Variants in CARD8 observed in about 807,000 individuals in gnomAD.
CARD8 encodes the protein caspase recruitment domain-containing protein 8.
Under a neutral mutation model 53.2 loss-of-function variants are expected in CARD8, and 38 were observed. That is an observed-to-expected ratio of 0.71 (90% CI 0.55 to 0.94). The LOEUF is 0.94. CARD8 is among the 40% of genes least tolerant of loss of function. The pLI, the probability that CARD8 is intolerant of heterozygous loss-of-function variation, is 0.00. For missense variants in CARD8, 561 were observed against 655.5 expected (o/e 0.86, Z 1.57); for synonymous variants, 245 against 244.9 (o/e 1.00, Z 0.00).
At chr19:48,250,591 G>A (rs1035511781) in intron 1 of CARD8, among the ~76,000 whole-genome samples, 2 of 152,162 alleles carry the variant, frequency 1.3e-5, no homozygotes, top group Non-Finnish European at 2.9e-5. Flanking sequence ...CAATCATTCT[G>A]TAATTAAGAT....
chr19:48,241,888 A>G (rs1038166690), intron 3 of CARD8, among the ~76,000 whole-genome samples: 2 of 152,096 alleles, frequency 1.3e-5, no homozygotes, highest in African/African-American at 4.8e-5. Flanking sequence ...CTACAATTCA[A>G]TGTTGTATAT....
chr19:48,213,872 A>G (rs928883839), intron 13 of CARD8, among the ~76,000 whole-genome samples: 19 of 152,126 alleles, frequency 1.2e-4, no homozygotes, highest in Non-Finnish European at 2.5e-4. Context: ...ATCCTTTAAT[A>G]GTTACTCTTG....
At chr19:48,213,587 T>A (rs2038510083) in intron 13 of CARD8, among the ~76,000 whole-genome samples, 1 of 152,176 alleles carries the variant, frequency 6.6e-6, no homozygotes, top group Non-Finnish European at 1.5e-5. Context: ...TTGGCCAGGC[T>A]GGTCTCAAAC....
At chr19:48,234,774 C>G (rs984834146) in intron 5 of CARD8, among the ~76,000 whole-genome samples, 3 of 152,192 alleles carry the variant, frequency 2.0e-5, no homozygotes, top group Non-Finnish European at 2.9e-5. Flanking sequence ...ATATGCTGCT[C>G]TTTCCATCCT....
Position 48,210,370 on chromosome 19 carries a change from T to C in CARD8, c.*1340A>G, listed in dbSNP as rs568886020. On this transcript the variant is annotated 3_prime_UTR_variant, in exon 14 of 14. Transcript: ENST00000651546. ...AACGTCTATCAGAGGAAGTGGAAAT[T>C]TGCAGAACGAAATTTGGAAAATAAT... is the stretch of plus-strand genomic sequence containing the variant. 7.2e-5 allele frequency: 11 copies of C among 152,066 alleles called. No homozygotes were observed. The highest frequency in any genetic ancestry group is 1.5e-4 in the Non-Finnish European group (10 of 67,982). The allele number at this position is 152,066 out of a possible 1,614,324, so 9.4% of individuals were successfully genotyped here. A position where few individuals can be genotyped will look rare whatever the true frequency, so the allele number is the denominator to read the frequency against.
intron 10 of CARD8, among the ~76,000 whole-genome samples, chr19:48,226,958 C>T (rs1167749586): frequency 2.6e-5 from 4 of 151,640 alleles, no homozygotes; most frequent in South Asian, 2.1e-4. Context: ...AATAGCTGGG[C>T]GTGGTGGCAG....
chr19:48,220,783 T>C (rs867415744), intron 11 of CARD8, among the ~76,000 whole-genome samples: 3 of 151,896 alleles, frequency 2.0e-5, no homozygotes, highest in Non-Finnish European at 4.4e-5. Flanking sequence ...TGGTGGTGCA[T>C]GCCTGTAATC....
chr19:48,223,069 C>T (rs111404271), intron 10 of CARD8, among the ~76,000 whole-genome samples: 38,111 of 151,916 alleles, frequency 0.25, 5,053 homozygotes, highest in South Asian at 0.36. Flanking sequence ...TTTGGGAGGC[C>T]GAGGCAGGCA....
intron 3 of CARD8, among the ~76,000 whole-genome samples, chr19:48,245,110 T>TAAAC (rs1434672441): frequency 6.6e-6 from 1 of 152,232 alleles, no homozygotes; most frequent in Non-Finnish European, 1.5e-5. Context: ...GGAAGGAGAT[T>TAAAC]AAACTATAAC....
intron 7 of CARD8, chr19:48,232,230 C>T: frequency 3.3e-6 from 2 of 601,980 alleles, no homozygotes; most frequent in Non-Finnish European, 5.9e-6. Context: ...CTGCTGCTGT[C>T]CCCAGCCACC....
intron 5 of CARD8, 162 bp downstream of exon 5, chr19:48,238,221 C>T: frequency 2.3e-6 from 3 of 1,298,190 alleles, no homozygotes; most frequent in Non-Finnish European, 3.1e-6. Context: ...GAGATACAAA[C>T]TCTTTTGAAA....
At chr19:48,222,061 T>C (rs142575238) in intron 10 of CARD8, among the ~76,000 whole-genome samples, 4 of 152,296 alleles carry the variant, frequency 2.6e-5, no homozygotes, top group Non-Finnish European at 4.4e-5. Flanking sequence ...AAGAGACATA[T>C]TGATGAAATT....
intron 3 of CARD8, among the ~76,000 whole-genome samples, chr19:48,245,778 T>C (rs2046007994): frequency 1.3e-5 from 2 of 148,624 alleles, no homozygotes; most frequent in Non-Finnish European, 3.0e-5. Context: ...TTGTTATATA[T>C]AAAATAACTA....
At chr19:48,222,633 G>A (rs1384896944) in intron 10 of CARD8, among the ~76,000 whole-genome samples, 1 of 151,734 alleles carries the variant, frequency 6.6e-6, no homozygotes, top group Non-Finnish European at 1.5e-5. Flanking sequence ...AGATTGCAGT[G>A]AGCCGAGATT....
In CARD8 at chr19:48,220,580, A is replaced by G. The variant is rs993729647; in HGVS notation, c.1161+1150T>C. Among the ~76,000 whole-genome samples, 4 of 152,144 alleles carry G rather than the reference A, an allele frequency of 2.6e-5. 1 individual carries two copies. In the East Asian group the frequency reaches 7.7e-4, roughly 29 times the overall value. On this transcript the variant is annotated intron_variant, in intron 11 of 13. Transcript: ENST00000651546. ...ATGGTATATTGTGCTGGACAACCTC[A>G]TCTTTATTTTAGAGAACATATGCTG...
intron 12 of CARD8, among the ~76,000 whole-genome samples, chr19:48,217,969 A>C (rs2039673938): frequency 6.6e-6 from 1 of 152,220 alleles, no homozygotes; most frequent in East Asian, 1.9e-4. Flanking sequence ...AAATGATTAA[A>C]TTGTGAAGAA....
At chr19:48,220,986 G>GAAGGAAGGAAGGAAGGAAGT (rs2040450251) in intron 11 of CARD8, among the ~76,000 whole-genome samples, 1 of 98,566 alleles carries the variant, frequency 1.0e-5, no homozygotes. Flanking sequence ...AGGAAGGAAG[G>GAAGGAAGGAAGGAAGGAAGT]AAGGAAGGAA....
intron 1 of CARD8, among the ~76,000 whole-genome samples, chr19:48,252,788 G>A (rs185875446): frequency 1.2e-3 from 169 of 136,544 alleles, no homozygotes; most frequent in Admixed American, 7.3e-3. Flanking sequence ...GTGAGCCACC[G>A]CACTGGCCTT....
intron 1 of CARD8, among the ~76,000 whole-genome samples, chr19:48,250,091 A>AC (rs1408824641): frequency 6.6e-6 from 1 of 152,224 alleles, no homozygotes; most frequent in Non-Finnish European, 1.5e-5. Flanking sequence ...TTACATTGTA[A>AC]CTGTAATCCT....
Sources: gnomAD v4.1 joint callset for allele counts (sites outside exome capture counted in the v4.1 genomes callset) on GRCh38, gnomAD v4.1.1 for gene constraint, MANE v1.5 for transcripts, NCBI Gene and HGNC (gene_info 2026-07-23, HGNC 2026-07-21) for gene names.